The following LRP2 variants were observed in gnomAD, a reference collection of about 807,000 sequenced individuals.
LRP2 encodes low-density lipoprotein receptor-related protein 2.
A neutral mutation model predicts 531.0 loss-of-function variants in LRP2; 172 were observed. The ratio of observed to expected loss-of-function variants is 0.32; its 90% CI spans 0.29 to 0.37. The LOEUF is 0.37. Ranked by LOEUF, LRP2 falls within the 10% of genes least tolerant of loss-of-function variation. The probability of loss-of-function intolerance (pLI) is 1.00; values close to 1 mark genes in which losing one functional copy is unlikely to be tolerated. For missense variants in LRP2, 5,167 were observed against 5,868.3 expected, an observed-to-expected ratio of 0.88 and a Z score of 3.90; for synonymous variants, 1,992 against 2,027.6, an observed-to-expected ratio of 0.98 and a Z score of 0.47.
At chr2:169,314,549 C>T (rs575584952) in intron 3 of LRP2, among the ~76,000 whole-genome samples, 1 of 151,978 alleles carries the variant, frequency 6.6e-6, no homozygotes, top group African/African-American at 2.4e-5. Flanking sequence ...TAATTAACAC[C>T]CTTCTCCATG....
chr2:169,308,380 A>C (rs1684487200), intron 3 of LRP2, among the ~76,000 whole-genome samples: 1 of 151,530 alleles, frequency 6.6e-6, no homozygotes, highest in Admixed American at 6.6e-5. Context: ...CCTCTCCCCT[A>C]CCCCACGACA....
chr2:169,235,913 T>C lies in LRP2; in HGVS notation c.4847A>G (p.Asp1616Gly), dbSNP rs1392608570. 22 of 1,614,012 alleles carry C rather than the reference T, an allele frequency of 1.4e-5. No homozygotes were observed. Among genetic ancestry groups the C allele is most frequent in the Non-Finnish European group, 1.9e-5 (22 of 1,179,982 alleles). Residue 1616 changes from aspartate to glycine, a missense_variant, in exon 29 of 79, where the codon GAC (aspartate) becomes GGC (glycine). By Grantham distance (94) the Asp-to-Gly change is moderately conservative. Transcript: ENST00000649046. ...AAAGTCCATGTAATCAAGATAGGAG[T>C]CCATGAAGTAGAGCAGTCTGTTGGG... ...DYPNRLLYFM[D>G]SYLDYMDFCD...
At position 169,175,176 on chromosome 2, in the gene LRP2, A is replaced by G; in HGVS notation, c.10768+17T>C. The G allele has an allele frequency of 6.2e-7, 1 of 1,613,616 alleles. No individual in the cohort carries two copies. The highest frequency in any genetic ancestry group is 8.5e-7 in the Non-Finnish European group (1 of 1,179,600). On this transcript the variant is annotated intron_variant, in intron 55 of 78. Coordinates refer to ENST00000649046, the MANE Select transcript of LRP2 (RefSeq NM_004525.3). ...ACATAGAAGTCGGAAAAAGAGGCATAAAGCGACTCAACACACCACAAAGAA... is the reference window on the plus strand; with the variant it reads ...ACATAGAAGTCGGAAAAAGAGGCATGAAGCGACTCAACACACCACAAAGAA...
chr2:169,149,663 C>G lies in LRP2; in HGVS notation c.12590+1235G>C, dbSNP rs146987412. 4.8e-4 allele frequency among the ~76,000 whole-genome samples: 73 copies of G among 151,944 alleles called. No homozygotes were observed. In the East Asian group the frequency reaches 0.013, roughly 27 times the overall value. On this transcript the variant is annotated intron_variant, in intron 68 of 78. Coordinates refer to ENST00000649046, the MANE Select transcript of LRP2 (RefSeq NM_004525.3). Reference sequence around the variant, plus strand: ...ACCAGGCTGCCCAACATGGTGAAACCCTGTCTCTACTGAAAATACAAAAAT... The same window carrying G: ...ACCAGGCTGCCCAACATGGTGAAACGCTGTCTCTACTGAAAATACAAAAAT...
chr2:169,138,517 T>A, intron 75 of LRP2, 60 bp downstream of exon 75: 2 of 1,586,908 alleles, frequency 1.3e-6, no homozygotes, highest in Non-Finnish European at 1.7e-6. Flanking sequence ...TTGTTCTTTA[T>A]AAAAAGTATT....
intron 9 of LRP2, among the ~76,000 whole-genome samples, chr2:169,286,476 C>T (rs1574221883): frequency 6.6e-6 from 1 of 152,178 alleles, no homozygotes; most frequent in East Asian, 1.9e-4. Context: ...AATATTCTGC[C>T]TTACATTCAC....
intron 19 of LRP2, among the ~76,000 whole-genome samples, chr2:169,248,477 A>G (rs1690101683): frequency 6.6e-6 from 1 of 152,246 alleles, no homozygotes; most frequent in Admixed American, 6.5e-5. Context: ...ATATACTTAA[A>G]TAAGTAAGGA....
rs1309070133 is a variant in LRP2 at position 169,169,765 on chromosome 2, G to A, written c.11434C>T (p.His3812Tyr). ...YFQCTSGHCV[H>Y]SELKCDGSAD... ...GATCCATCGCATTTCAGTTCACTGT[G>A]TACACAATGTCCACTTGTACACTGA... is the stretch of plus-strand genomic sequence containing the variant. The change falls in exon 60 of 79, where the codon CAC (histidine) becomes TAC (tyrosine). Residue 3812 changes from histidine (H) to tyrosine (Y), a missense_variant. Coordinates refer to ENST00000649046, the MANE Select transcript of LRP2 (RefSeq NM_004525.3). The A allele has an allele frequency of 6.2e-7, 1 of 1,614,106 alleles. No homozygotes were observed. The highest frequency in any genetic ancestry group is 2.2e-5 in the East Asian group (1 of 44,876).
intron 33 of LRP2, among the ~76,000 whole-genome samples, chr2:169,222,384 G>T (rs890874271): frequency 1.3e-5 from 2 of 152,182 alleles, no homozygotes; most frequent in African/African-American, 2.4e-5. Context: ...TTTGTCCAAG[G>T]TCGAATAGCT....
intron 16 of LRP2, among the ~76,000 whole-genome samples, chr2:169,261,991 AACC>A (rs1690575316): frequency 6.6e-6 from 1 of 151,240 alleles, no homozygotes; most frequent in Non-Finnish European, 1.5e-5. Context: ...CAAAGACAAA[AACC>A]ACATGATTAT....
intron 35 of LRP2, 69 bp from the exon 36 acceptor site, chr2:169,213,939 A>C (rs900672990): frequency 9.1e-6 from 9 of 988,574 alleles, no homozygotes; most frequent in African/African-American, 3.2e-5. Context: ...AAACACTAAT[A>C]TTCTCCTAAT....
chr2:169,324,515 G>T (rs1209005253), intron 1 of LRP2, among the ~76,000 whole-genome samples: 2 of 151,638 alleles, frequency 1.3e-5, no homozygotes, highest in Admixed American at 6.6e-5. Flanking sequence ...AGGAAAAATT[G>T]CAGCAATTGA....
At chr2:169,352,269 G>A (rs1401368132) in intron 1 of LRP2, among the ~76,000 whole-genome samples, 1 of 152,148 alleles carries the variant, frequency 6.6e-6, no homozygotes, top group African/African-American at 2.4e-5. Context: ...ACAAACAGTG[G>A]CATATTTAGG....
chr2:169,177,039 C>A (rs1446060499), intron 53 of LRP2, among the ~76,000 whole-genome samples: 2 of 152,134 alleles, frequency 1.3e-5, no homozygotes, highest in Non-Finnish European at 2.9e-5. Flanking sequence ...TCCTGGTCAC[C>A]ACTTTGAGGT....
At chr2:169,309,494 T>G (rs1465465136) in intron 3 of LRP2, among the ~76,000 whole-genome samples, 4 of 152,254 alleles carry the variant, frequency 2.6e-5, no homozygotes, top group Admixed American at 2.6e-4. Context: ...CTTTTCCCGT[T>G]TCTTGTTTTT....
chr2:169,137,746 G>T (rs1685571627), intron 75 of LRP2, among the ~76,000 whole-genome samples: 1 of 150,658 alleles, frequency 6.6e-6, no homozygotes, highest in Non-Finnish European at 1.5e-5. Flanking sequence ...ACCAACTCAA[G>T]GAAATGGTAA....
intron 5 of LRP2, 35 bp from the exon 6 acceptor site, chr2:169,294,296 A>G (rs1684079697): frequency 1.6e-6 from 2 of 1,224,082 alleles, no homozygotes; most frequent in African/African-American, 3.0e-5. Context: ...AAGAAAAGAG[A>G]GAAGTTAACT....
chr2:169,170,485 C>T lies in LRP2; in HGVS notation c.11380+66G>A, dbSNP rs1160058617. On this transcript the variant is annotated intron_variant, in intron 59 of 78. Coordinates refer to ENST00000649046, the MANE Select transcript of LRP2 (RefSeq NM_004525.3). ...TTTTCCTCTAAAAGCCTTATAAACA[C>T]TAATTTGAAGCCCCTACACTGTCAC... 4.0e-6 allele frequency: 5 copies of T among 1,248,662 alleles called. No homozygotes were observed. In the East Asian group the frequency reaches 1.2e-4, roughly 29 times the overall value. 77.3% of individuals were successfully genotyped at this position (1,248,662 alleles called of 1,614,324 possible). A position where few individuals can be genotyped will look rare whatever the true frequency, so the allele number is the denominator to read the frequency against.
At chr2:169,280,662 A>G in intron 10 of LRP2, 143 bp from the exon 11 acceptor site, 1 of 850,518 alleles carries the variant, frequency 1.2e-6, no homozygotes, top group Admixed American at 2.1e-5. Context: ...TCTGAGGCAG[A>G]CAGATAGCTA....
Sources: allele counts gnomAD v4.1 joint callset (sites outside exome capture counted in the v4.1 genomes callset), GRCh38; gene constraint gnomAD v4.1.1; transcripts MANE v1.5; gene names NCBI Gene and HGNC (gene_info 2026-07-23, HGNC 2026-07-21).